The following CDH12 variants were observed in gnomAD, a reference collection of about 807,000 sequenced individuals.
CDH12 encodes cadherin 12, also known as cadherin-12.
Under a neutral mutation model 74.1 loss-of-function variants are expected in CDH12, and 41 were observed. That is an observed-to-expected ratio of 0.55 (90% CI 0.43 to 0.72). The LOEUF is 0.72. Among genes scored for constraint, CDH12 ranks in the 30% least tolerant of loss-of-function variants. CDH12 has a pLI of 0.00. For missense variants in CDH12, 945 were observed against 977.2 expected, an observed-to-expected ratio of 0.97 and a Z score of 0.44; for synonymous variants, 399 against 355.0, an observed-to-expected ratio of 1.12 and a Z score of -1.39.
At chr5:22,845,470 G>A (rs942573554) in intron 1 of CDH12, among the ~76,000 whole-genome samples, 25 of 151,926 alleles carry the variant, frequency 1.6e-4, no homozygotes, top group Admixed American at 7.2e-4. Context: ...TCATTTATTC[G>A]TTCACCAAAC....
At chr5:22,721,423 T>C (rs1013289850) in intron 1 of CDH12, among the ~76,000 whole-genome samples, 1 of 152,246 alleles carries the variant, frequency 6.6e-6, no homozygotes, top group African/African-American at 2.4e-5. Context: ...CCATTTGGAA[T>C]GGCAGCATTT....
At chr5:21,877,953 T>C (rs751903262) in intron 6 of CDH12, among the ~76,000 whole-genome samples, 3 of 152,210 alleles carry the variant, frequency 2.0e-5, no homozygotes, top group Non-Finnish European at 4.4e-5. Flanking sequence ...GTTCACATTA[T>C]CTGAAGGCAA....
chr5:21,979,950 T>C (rs1249190659), intron 5 of CDH12, among the ~76,000 whole-genome samples: 2 of 151,824 alleles, frequency 1.3e-5, no homozygotes, highest in Non-Finnish European at 1.5e-5. Flanking sequence ...CAGCACCTGT[T>C]GTTTCCTGAC....
chr5:21,904,931 A>G (rs1753566699), intron 6 of CDH12, among the ~76,000 whole-genome samples: 1 of 152,232 alleles, frequency 6.6e-6, no homozygotes, highest in African/African-American at 2.4e-5. Flanking sequence ...AAGGACATAG[A>G]AAAGTCCCCC....
chr5:21,846,673 T>G (rs955792507), intron 7 of CDH12, among the ~76,000 whole-genome samples: 1 of 152,252 alleles, frequency 6.6e-6, no homozygotes, highest in African/African-American at 2.4e-5. Context: ...CTGAAGAATC[T>G]ATTTCATTGA....
At chr5:22,137,410 C>G (rs1440032031) in intron 4 of CDH12, among the ~76,000 whole-genome samples, 1 of 152,002 alleles carries the variant, frequency 6.6e-6, no homozygotes, top group Non-Finnish European at 1.5e-5. Flanking sequence ...CTCTCTCCCT[C>G]TCTCTGGATG....
intron 2 of CDH12, among the ~76,000 whole-genome samples, chr5:22,430,875 G>T (rs189095369): frequency 6.6e-6 from 1 of 151,922 alleles, no homozygotes; most frequent in Non-Finnish European, 1.5e-5. Context: ...GCAGGTTAAA[G>T]ATTCTTTAGC....
rs1256794399 is a variant in CDH12 at position 22,138,875 on chromosome 5, T to TATATATATATATATATATATAC, written c.-186-60014_-186-60013insGTATATATATATATATATATAT. On this transcript the variant is annotated intron_variant, in intron 4 of 14. Coordinates refer to ENST00000382254, the MANE Select transcript of CDH12 (RefSeq NM_004061.5). ...ATATATATATATATATATATATATA[T>TATATATATATATATATATATAC]ACATGTTGGACTCATCGATGTACAT... Among the ~76,000 whole-genome samples the TATATATATATATATATATATAC allele has an allele frequency of 2.5e-4, 34 of 137,680 alleles. 1 individual carries two copies. Among genetic ancestry groups the TATATATATATATATATATATAC allele is most frequent in the Non-Finnish European group, 3.3e-4 (21 of 63,616 alleles). The allele number at this position is 137,680 out of a possible 152,430, so 90.3% of individuals were successfully genotyped here.
rs375722095 is a variant in CDH12, at chr5:22,408,442, GT to G, written c.-427-3092del. 7.4e-3 allele frequency among the ~76,000 whole-genome samples: 1,117 copies of G among 151,458 alleles called. 13 individuals carry two copies. The highest frequency in any genetic ancestry group is 0.026 in the African/African-American group (1,067 of 40,972). The stretch of plus-strand genomic sequence containing the variant: ...TGCATGTTTTTCTTAGTCAAACTCA[GT>G]TTTAAGACATTCTTCAAAATATCTG... On this transcript the variant is annotated intron_variant, in intron 2 of 14. Coordinates refer to ENST00000382254, the MANE Select transcript of CDH12 (RefSeq NM_004061.5).
intron 4 of CDH12, among the ~76,000 whole-genome samples, chr5:22,131,298 G>T (rs2150287225): frequency 6.6e-6 from 1 of 152,048 alleles, no homozygotes; most frequent in East Asian, 1.9e-4. Flanking sequence ...CTTTTTCAAT[G>T]ATTTAGACAC....
chr5:22,832,191 T>A (rs1414749072), intron 1 of CDH12, among the ~76,000 whole-genome samples: 1 of 152,228 alleles, frequency 6.6e-6, no homozygotes, highest in Non-Finnish European at 1.5e-5. Flanking sequence ...GACATCAAAC[T>A]TTTTTGAGAC....
At chr5:22,614,377 T>C (rs1041223748) in intron 1 of CDH12, among the ~76,000 whole-genome samples, 3 of 90,072 alleles carry the variant, frequency 3.3e-5, no homozygotes, top group African/African-American at 8.8e-5. Flanking sequence ...GGAATAAAGC[T>C]AGGGAACCTC....
chr5:22,815,786 TA>T (rs1261896590), intron 1 of CDH12, among the ~76,000 whole-genome samples: 3 of 132,356 alleles, frequency 2.3e-5, no homozygotes, highest in Non-Finnish European at 3.3e-5. Context: ...AAAAAAAAAA[TA>T]AATAAATAAT....
At chr5:22,316,806 A>G (rs1738651644) in intron 3 of CDH12, among the ~76,000 whole-genome samples, 1 of 152,178 alleles carries the variant, frequency 6.6e-6, no homozygotes, top group South Asian at 2.1e-4. Flanking sequence ...ATATATATTT[A>G]TATTCAAGTA....
rs751201188 is a variant in CDH12, at chr5:22,078,588, G to A, written c.89C>T (p.Thr30Ile). 7.4e-6 allele frequency: 12 copies of A among 1,613,954 alleles called. No homozygotes were observed. Among genetic ancestry groups the A allele is most frequent in the Middle Eastern group, 1.7e-4 (1 of 6,060 alleles). The change falls in exon 5 of 15, where the codon ACT becomes ATT. Residue 30 changes from threonine to isoleucine, a missense_variant. Transcript: ENST00000382254. ...ATTTTCTCTTGGCTCTGTGGCTAAA[G>A]TCTGCTGTGGCTGTGGTTGTAGTGG... ...LTPLQPQPQQ[T>I]LATEPRENVI...
At chr5:22,587,112 A>G (rs146223625) in intron 1 of CDH12, among the ~76,000 whole-genome samples, 67 of 152,204 alleles carry the variant, frequency 4.4e-4, no homozygotes, top group African/African-American at 1.5e-3. Context: ...CTGGGATTAC[A>G]GTCGTGAGCC....
chr5:21,840,555 C>A (rs372717635), intron 8 of CDH12, among the ~76,000 whole-genome samples: 384 of 152,098 alleles, frequency 2.5e-3, no homozygotes, highest in Non-Finnish European at 4.0e-3. Context: ...CAAGCCAATC[C>A]TAAGCCAAAA....
intron 3 of CDH12, among the ~76,000 whole-genome samples, chr5:22,384,386 C>A (rs958003551): frequency 6.7e-6 from 1 of 150,328 alleles, no homozygotes; most frequent in Non-Finnish European, 1.5e-5. Flanking sequence ...ATTAGCCGGG[C>A]GTGATGGTGG....
At chr5:21,903,506 G>A (rs558702443) in intron 6 of CDH12, among the ~76,000 whole-genome samples, 11 of 152,154 alleles carry the variant, frequency 7.2e-5, no homozygotes, top group African/African-American at 1.9e-4. Flanking sequence ...CTAAGGGTTC[G>A]TTATCTTAAA....
Sources: allele counts gnomAD v4.1 joint callset (sites outside exome capture counted in the v4.1 genomes callset), GRCh38; gene constraint gnomAD v4.1.1; transcripts MANE v1.5; gene names NCBI Gene and HGNC (gene_info 2026-07-23, HGNC 2026-07-21).